LUZP2: variants seen among roughly 807,000 people sequenced by gnomAD.
LUZP2 encodes the protein leucine zipper protein 2.
Under a neutral mutation model 51.6 loss-of-function variants are expected in LUZP2, and 52 were observed. The observed-to-expected ratio is 1.01, with a 90% CI of 0.81 to 1.27. LUZP2 has a LOEUF of 1.27. Ranked by LOEUF, LUZP2 falls within the 50% of genes most tolerant of loss-of-function variation. The pLI is 0.00. For missense variants in LUZP2, 436 were observed against 395.4 expected (o/e 1.10, Z -0.87); for synonymous variants, 154 against 137.3 (o/e 1.12, Z -0.85).
intron 9 of LUZP2, among the ~76,000 whole-genome samples, chr11:25,009,621 G>A (rs183970674): frequency 1.2e-4 from 18 of 152,072 alleles, no homozygotes; most frequent in South Asian, 4.2e-4. Flanking sequence ...GATTTGAGAC[G>A]AATATTATTT....
At chr11:25,011,740 CAT>C (rs1435889417) in intron 9 of LUZP2, among the ~76,000 whole-genome samples, 2 of 151,930 alleles carry the variant, frequency 1.3e-5, no homozygotes, top group Non-Finnish European at 2.9e-5. Flanking sequence ...TTATGAGGCA[CAT>C]GTGATATTTT....
At chr11:24,948,727 G>A (rs1854973844) in intron 7 of LUZP2, among the ~76,000 whole-genome samples, 1 of 151,614 alleles carries the variant, frequency 6.6e-6, no homozygotes. Context: ...ATGAAAAACA[G>A]GGATAAGAAG....
At chr11:24,704,130 TC>T (rs2133916270) in intron 1 of LUZP2, among the ~76,000 whole-genome samples, 1 of 152,278 alleles carries the variant, frequency 6.6e-6, no homozygotes, top group East Asian at 1.9e-4. Context: ...TCTCTCTCTC[TC>T]TCATACGTTA....
chr11:24,862,577 A>G (rs1565010413), intron 5 of LUZP2, among the ~76,000 whole-genome samples: 2 of 152,230 alleles, frequency 1.3e-5, no homozygotes, highest in Non-Finnish European at 2.9e-5. Context: ...CCCAGTTAAA[A>G]GACACAGACT....
At chr11:25,012,822 A>G (rs181065377) in intron 9 of LUZP2, among the ~76,000 whole-genome samples, 18 of 152,174 alleles carry the variant, frequency 1.2e-4, no homozygotes, top group Non-Finnish European at 1.5e-4. Context: ...GAGATTTCTC[A>G]AAAAACTAAA....
intron 7 of LUZP2, among the ~76,000 whole-genome samples, chr11:24,932,596 A>G (rs1854485498): frequency 6.6e-6 from 1 of 152,106 alleles, no homozygotes; most frequent in South Asian, 2.1e-4. Context: ...TTGGCAGTGA[A>G]ACCAGCCTCA....
At chr11:24,526,018 A>G (rs1850788219) in intron 1 of LUZP2, among the ~76,000 whole-genome samples, 1 of 151,426 alleles carries the variant, frequency 6.6e-6, no homozygotes, top group African/African-American at 2.4e-5. Flanking sequence ...AATAGCATAC[A>G]TTACCAAATA....
chr11:25,003,109 C>T (rs185017063), intron 9 of LUZP2, among the ~76,000 whole-genome samples: 9 of 152,188 alleles, frequency 5.9e-5, no homozygotes, highest in African/African-American at 2.2e-4. Context: ...ACCTAGACAC[C>T]TTGTACACTT....
intron 1 of LUZP2, among the ~76,000 whole-genome samples, chr11:24,622,249 G>T: frequency 6.6e-6 from 1 of 151,346 alleles, no homozygotes; most frequent in Non-Finnish European, 1.5e-5. Flanking sequence ...ATTTACATTA[G>T]GTATATCTCC....
intron 1 of LUZP2, among the ~76,000 whole-genome samples, chr11:24,597,598 C>G (rs546027279): frequency 6.6e-6 from 1 of 152,132 alleles, no homozygotes; most frequent in East Asian, 1.9e-4. Flanking sequence ...CAAAAATTAG[C>G]TAAGCATCAG....
At chr11:24,499,324 C>A (rs1849918720) in intron 1 of LUZP2, among the ~76,000 whole-genome samples, 1 of 152,140 alleles carries the variant, frequency 6.6e-6, no homozygotes, top group Non-Finnish European at 1.5e-5. Flanking sequence ...ATATGAAAAG[C>A]AATGCGGTAC....
chr11:24,695,509 A>C (rs1297089120), intron 1 of LUZP2, among the ~76,000 whole-genome samples: 2 of 152,076 alleles, frequency 1.3e-5, no homozygotes, highest in Non-Finnish European at 1.5e-5. Context: ...TGAAATACGC[A>C]CTATAATACG....
intron 4 of LUZP2, among the ~76,000 whole-genome samples, chr11:24,758,999 C>T (rs1008847502): frequency 7.2e-5 from 11 of 152,000 alleles, no homozygotes; most frequent in Non-Finnish European, 1.6e-4. Context: ...TAAAAATACT[C>T]TTTATGGAAA....
intron 5 of LUZP2, among the ~76,000 whole-genome samples, chr11:24,896,475 C>T (rs1003374133): frequency 2.6e-5 from 4 of 152,178 alleles, no homozygotes; most frequent in Non-Finnish European, 2.9e-5. Context: ...CCAGCACCAC[C>T]GGCCCACCCA....
intron 9 of LUZP2, among the ~76,000 whole-genome samples, chr11:25,030,270 G>A (rs1317358373): frequency 6.6e-6 from 1 of 152,078 alleles, no homozygotes; most frequent in South Asian, 2.1e-4. Context: ...GTTACTGGTA[G>A]TTGTAGTTCA....
At chr11:24,506,580 T>C (rs1220930504) in intron 1 of LUZP2, among the ~76,000 whole-genome samples, 2 of 152,220 alleles carry the variant, frequency 1.3e-5, no homozygotes, top group East Asian at 1.9e-4. Flanking sequence ...AAATCCCTTT[T>C]GTGTGTTCTC....
At chr11:24,621,378 A>G (rs1211056971) in intron 1 of LUZP2, among the ~76,000 whole-genome samples, 2 of 151,984 alleles carry the variant, frequency 1.3e-5, no homozygotes, top group Non-Finnish European at 1.5e-5. Context: ...GCAATATCAC[A>G]TTGCATTTGT....
At chr11:24,630,011 T>A (rs1226796063) in intron 1 of LUZP2, among the ~76,000 whole-genome samples, 1 of 89,024 alleles carries the variant, frequency 1.1e-5, no homozygotes, top group Non-Finnish European at 2.3e-5. Context: ...AAATGTCTAT[T>A]TTTTTTTTGC....
At position 25,011,110 on chromosome 11, in the gene LUZP2, G is replaced by C. The variant is rs372821741; in HGVS notation, c.765+27817G>C. 8.0e-4 allele frequency among the ~76,000 whole-genome samples: 121 copies of C among 152,164 alleles called. 2 individuals carry two copies. The South Asian group carries it at 0.024, about 31-fold the overall frequency. On this transcript the variant is annotated intron_variant, in intron 9 of 11. Coordinates refer to ENST00000336930, the MANE Select transcript of LUZP2 (RefSeq NM_001009909.4). ...GTTAATTCTGAACAGCAACCCTCGA[G>C]GGCATGGGGCATATATATTTTATTT...
Sources: gnomAD v4.1 joint callset for allele counts (sites outside exome capture counted in the v4.1 genomes callset) on GRCh38, gnomAD v4.1.1 for gene constraint, MANE v1.5 for transcripts, NCBI Gene and HGNC (gene_info 2026-07-23, HGNC 2026-07-21) for gene names.